The following SIPA1L2 variants were observed in gnomAD, a reference collection of about 807,000 sequenced individuals.
The protein encoded by SIPA1L2 is signal-induced proliferation-associated 1-like protein 2.
A neutral mutation model predicts 163.9 loss-of-function variants in SIPA1L2; 56 were observed. The ratio of observed to expected loss-of-function variants is 0.34; its 90% CI spans 0.28 to 0.43. The LOEUF is 0.43. Ranked by LOEUF, SIPA1L2 falls within the 20% of genes least tolerant of loss-of-function variation. SIPA1L2 has a pLI of 1.00. For synonymous variants in SIPA1L2, 877 were observed against 865.7 expected (o/e 1.01, Z -0.23); for missense variants, 1,974 against 2,193.5 (o/e 0.90, Z 2.00).
chr1:232,585,367 T>A (rs1660602446), intron 1 of SIPA1L2, among the ~76,000 whole-genome samples: 1 of 152,164 alleles, frequency 6.6e-6, no homozygotes, highest in South Asian at 2.1e-4. Flanking sequence ...ATTTACAATC[T>A]CATATATGGA....
At chr1:232,523,101 G>GT (rs1667532641) in intron 2 of SIPA1L2, among the ~76,000 whole-genome samples, 2 of 152,210 alleles carry the variant, frequency 1.3e-5, no homozygotes, top group Admixed American at 1.3e-4. Context: ...ACTTTATACT[G>GT]TATTAGAATA....
At chr1:232,549,084 C>A (rs975404570) in intron 2 of SIPA1L2, among the ~76,000 whole-genome samples, 1 of 152,140 alleles carries the variant, frequency 6.6e-6, no homozygotes, top group Non-Finnish European at 1.5e-5. Flanking sequence ...ATTTGCACAC[C>A]AAAAGGGACA....
At chr1:232,489,781 T>A (rs1359068763) in intron 5 of SIPA1L2, among the ~76,000 whole-genome samples, 1 of 152,228 alleles carries the variant, frequency 6.6e-6, no homozygotes, top group African/African-American at 2.4e-5. Flanking sequence ...CTTTTTAAAA[T>A]CATGGCTTTA....
At chr1:232,526,084 G>T (rs577875296) in intron 2 of SIPA1L2, among the ~76,000 whole-genome samples, 1 of 152,338 alleles carries the variant, frequency 6.6e-6, no homozygotes, top group East Asian at 1.9e-4. Context: ...ATAAAAGGTT[G>T]CCCTTAGGTT....
intron 2 of SIPA1L2, among the ~76,000 whole-genome samples, chr1:232,539,702 C>T (rs1657526952): frequency 6.6e-6 from 1 of 152,166 alleles, no homozygotes; most frequent in Admixed American, 6.5e-5. Flanking sequence ...CCAGGCCCAC[C>T]CTCCAGAACC....
At chr1:232,459,563 C>T (rs1174324813) in intron 10 of SIPA1L2, among the ~76,000 whole-genome samples, 3 of 152,084 alleles carry the variant, frequency 2.0e-5, no homozygotes, top group African/African-American at 4.8e-5. Flanking sequence ...CCCATGCTGG[C>T]GTACAGAGGC....
chr1:232,483,279 G>A (rs1433719826), intron 6 of SIPA1L2, among the ~76,000 whole-genome samples: 3 of 151,714 alleles, frequency 2.0e-5, no homozygotes, highest in Non-Finnish European at 2.9e-5. Context: ...TAGATCCAGG[G>A]GGTACATGTG....
At chr1:232,459,510 TTTTA>T (rs1664115149) in intron 10 of SIPA1L2, among the ~76,000 whole-genome samples, 1 of 152,124 alleles carries the variant, frequency 6.6e-6, no homozygotes, top group African/African-American at 2.4e-5. Context: ...TATGCTAAAG[TTTTA>T]TTTATTATTA....
chr1:232,408,057 A>C (rs765772858), intron 19 of SIPA1L2, among the ~76,000 whole-genome samples: 2 of 152,202 alleles, frequency 1.3e-5, no homozygotes, highest in Non-Finnish European at 2.9e-5. Flanking sequence ...TATGATAAGC[A>C]CTGCAGGGTG....
Position 232,514,416 on chromosome 1 carries a change from C to A in SIPA1L2, c.924G>T (p.Thr308=). ...CCAGTCGGCTCTCCTCCAGCTCAGACGTGAACTTGAAAGTTTCGTGCTCAC... is the reference window on the plus strand; with the variant it reads ...CCAGTCGGCTCTCCTCCAGCTCAGAAGTGAACTTGAAAGTTTCGTGCTCAC... The part of the protein sequence containing the change: ...VKSEHETFKF[T]SELEESRLER... Residue 308 remains threonine (T), a synonymous_variant, in exon 3 of 23, where the codon ACG becomes ACT. Transcript: ENST00000674635. 6.2e-7 allele frequency: 1 copy of A among 1,614,164 alleles called. No individual in the cohort carries two copies. Among genetic ancestry groups the A allele is most frequent in the South Asian group, 1.1e-5 (1 of 91,082 alleles).
chr1:232,540,954 A>G (rs1657620836), intron 2 of SIPA1L2, among the ~76,000 whole-genome samples: 3 of 152,186 alleles, frequency 2.0e-5, no homozygotes, highest in African/African-American at 7.2e-5. Context: ...AGGGACATGG[A>G]TGGAGCTGGA....
In SIPA1L2 at chr1:232,483,830, T is replaced by G; in HGVS notation, c.1943A>C (p.Lys648Thr). 1 of 1,614,032 alleles carries G rather than the reference T, an allele frequency of 6.2e-7. No homozygotes were observed. The highest frequency in any genetic ancestry group is 8.5e-7 in the Non-Finnish European group (1 of 1,179,942). ...CTGAGCTCGATATTTACTAAATCCTTTCAGTCGGACTCTCTGGCCCAGAAG... is the reference window on the plus strand; with the variant it reads ...CTGAGCTCGATATTTACTAAATCCTGTCAGTCGGACTCTCTGGCCCAGAAG... ...LDLLGQRVRL[K>T]GFSKYRAQLD... Residue 648 changes from lysine to threonine, a missense_variant, in exon 6 of 23, where the codon AAA (lysine) becomes ACA (threonine). Lys to Thr is a moderately conservative substitution (Grantham distance 78, BLOSUM62 -1). Coordinates refer to ENST00000674635, the MANE Select transcript of SIPA1L2 (RefSeq NM_020808.5).
At chr1:232,513,766 G>A (rs1667086099) in intron 3 of SIPA1L2, 91 bp downstream of exon 3, 2 of 1,353,636 alleles carry the variant, frequency 1.5e-6, no homozygotes. Context: ...GACACTCTGA[G>A]GAAGGTGCTC....
chr1:232,572,282 G>A (rs1357249940), intron 2 of SIPA1L2, among the ~76,000 whole-genome samples: 2 of 152,172 alleles, frequency 1.3e-5, no homozygotes, highest in African/African-American at 4.8e-5. Flanking sequence ...CCAAGGAACT[G>A]GGAGGGACAA....
chr1:232,541,128 C>T (rs750571941), intron 2 of SIPA1L2, among the ~76,000 whole-genome samples: 6 of 152,084 alleles, frequency 3.9e-5, no homozygotes, highest in Non-Finnish European at 7.4e-5. Flanking sequence ...TCAGAATAAA[C>T]GGCTAATGCA....
intron 13 of SIPA1L2, 50 bp from the exon 14 acceptor site, chr1:232,441,444 A>G (rs1463929518): frequency 7.0e-7 from 1 of 1,427,142 alleles, no homozygotes; most frequent in East Asian, 2.3e-5. Flanking sequence ...AGTATTACCA[A>G]AAGAGTAAAG....
intron 15 of SIPA1L2, among the ~76,000 whole-genome samples, chr1:232,436,497 T>C (rs1242180332): frequency 6.6e-6 from 1 of 152,160 alleles, no homozygotes; most frequent in African/African-American, 2.4e-5. Context: ...TGCTCTTCTG[T>C]TACCTGGGCT....
chr1:232,536,984 T>C (rs789631), intron 2 of SIPA1L2, among the ~76,000 whole-genome samples: 138,298 of 152,284 alleles, frequency 0.91, 63,723 homozygotes, highest in African/African-American at 0.98. Flanking sequence ...GTCTATAATC[T>C]TAGCACTTTG....
intron 18 of SIPA1L2, 29 bp from the exon 19 acceptor site, chr1:232,415,654 T>C: frequency 6.2e-7 from 1 of 1,613,354 alleles, no homozygotes; most frequent in Middle Eastern, 1.6e-4. Flanking sequence ...AGAGAGTCAG[T>C]CATCAGTCAC....
Sources: gnomAD v4.1 joint callset for allele counts (sites outside exome capture counted in the v4.1 genomes callset) on GRCh38, gnomAD v4.1.1 for gene constraint, MANE v1.5 for transcripts, NCBI Gene and HGNC (gene_info 2026-07-23, HGNC 2026-07-21) for gene names.